Variants in LINC02747 observed in about 807,000 individuals in gnomAD.
LINC02747 encodes CCND1-upstream intergenic DNA repair 2.
chr11:69,478,764 G>A (rs1233268253), intron 1 of LINC02747, among the ~76,000 whole-genome samples: 1 of 152,136 alleles, frequency 6.6e-6, no homozygotes, highest in Non-Finnish European at 1.5e-5. Flanking sequence ...AAACCCAGGA[G>A]TCGAGGCAGG....
At chr11:69,480,981 C>T (rs868282859) in intron 1 of LINC02747, among the ~76,000 whole-genome samples, 1 of 152,214 alleles carries the variant, frequency 6.6e-6, no homozygotes, top group African/African-American at 2.4e-5. Flanking sequence ...CCTGAGTGCA[C>T]AGCCCGCTAG....
chr11:69,480,353 C>T (rs762637427), intron 1 of LINC02747, among the ~76,000 whole-genome samples: 11 of 152,308 alleles, frequency 7.2e-5, no homozygotes, highest in Non-Finnish European at 1.2e-4. Flanking sequence ...TCTGTGCTGG[C>T]GTGGAGAGGA....
chr11:69,479,254 CAAAAAAAAAAAAA>C (rs34812492), intron 1 of LINC02747, among the ~76,000 whole-genome samples: 1 of 47,538 alleles, frequency 2.1e-5, no homozygotes, highest in Non-Finnish European at 4.1e-5. Context: ...GACTCTGTCT[CAAAAAAAAAAAAA>C]AAAAAAAAAA....
chr11:69,480,223 C>T (rs1857036567), intron 1 of LINC02747, among the ~76,000 whole-genome samples: 2 of 152,160 alleles, frequency 1.3e-5, no homozygotes, highest in Admixed American at 1.3e-4. Context: ...GCCTGGGCCA[C>T]ACAGTGAGCC....
exon 2 of LINC02747, chr11:69,477,014 G>A (rs1275967582): frequency 1.3e-5 from 2 of 152,246 alleles, no homozygotes; most frequent in Non-Finnish European, 2.9e-5. Flanking sequence ...AGAAATAAAA[G>A]GATCCCTCTG....
At chr11:69,480,399 C>T (rs549404897) in intron 1 of LINC02747, among the ~76,000 whole-genome samples, 27 of 152,324 alleles carry the variant, frequency 1.8e-4, no homozygotes, top group South Asian at 1.5e-3. Flanking sequence ...GCAGACGTCA[C>T]GGGCACCCAG....
intron 1 of LINC02747, among the ~76,000 whole-genome samples, chr11:69,478,219 G>A (rs762909391): frequency 1.3e-5 from 2 of 152,178 alleles, no homozygotes; most frequent in Non-Finnish European, 2.9e-5. Context: ...CAGAGGACGA[G>A]GGTAAGCCGT....
At chr11:69,476,712 G>A (rs1237178023) in exon 2 of LINC02747, 1 of 152,240 alleles carries the variant, frequency 6.6e-6, no homozygotes, top group African/African-American at 2.4e-5. Context: ...TCCAAATTAG[G>A]CCAGAGCCCC....
chr11:69,479,655 C>T (rs556000649), intron 1 of LINC02747: 267 of 152,428 alleles, frequency 1.8e-3, no homozygotes, highest in Non-Finnish European at 2.7e-3. Flanking sequence ...GCACTCTCGG[C>T]CTCTGCACGC....
chr11:69,481,223 C>T (rs1857045551), intron 1 of LINC02747, among the ~76,000 whole-genome samples: 1 of 152,204 alleles, frequency 6.6e-6, no homozygotes, highest in African/African-American at 2.4e-5. Flanking sequence ...TAGCGGTCCA[C>T]ACATCAGAGT....
chr11:69,478,154 G>A (rs560824685), intron 1 of LINC02747, among the ~76,000 whole-genome samples: 50 of 152,324 alleles, frequency 3.3e-4, no homozygotes, highest in African/African-American at 1.2e-3. Context: ...GGGTGAGGCA[G>A]GATATTGCTG....
At chr11:69,477,038 A>G (rs1444335502) in exon 2 of LINC02747, 1 of 152,220 alleles carries the variant, frequency 6.6e-6, no homozygotes, top group Non-Finnish European at 1.5e-5. Flanking sequence ...ACCTGCTGGG[A>G]CTGAGTGAGC....
exon 2 of LINC02747, chr11:69,476,016 G>T (rs898809537): frequency 6.6e-6 from 1 of 152,192 alleles, no homozygotes; most frequent in African/African-American, 2.4e-5. Context: ...GGTGAGGACA[G>T]GTTTTGGGAC....
chr11:69,480,253 G>T (rs1225416912), intron 1 of LINC02747, among the ~76,000 whole-genome samples: 1 of 152,184 alleles, frequency 6.6e-6, no homozygotes, highest in African/African-American at 2.4e-5. Context: ...GCCAGCAGCC[G>T]GTTCCCAACA....
At chr11:69,476,618 C>A (rs2134960030) in exon 2 of LINC02747, 1 of 152,302 alleles carries the variant, frequency 6.6e-6, no homozygotes, top group Non-Finnish European at 1.5e-5. Context: ...GGAAGCCCAT[C>A]TCTGACGTGG....
chr11:69,479,276 AAGAGAG>A (rs1322668958), intron 1 of LINC02747, among the ~76,000 whole-genome samples: 5 of 147,300 alleles, frequency 3.4e-5, no homozygotes, highest in East Asian at 1.9e-4. Flanking sequence ...AAAAAAAAAA[AAGAGAG>A]AGAGAGAGAG....
At chr11:69,477,860 G>A (rs1056395138) in intron 1 of LINC02747, among the ~76,000 whole-genome samples, 4 of 152,158 alleles carry the variant, frequency 2.6e-5, no homozygotes, top group Non-Finnish European at 4.4e-5. Context: ...GGAGCCCTGT[G>A]CAAGACGAAA....
exon 2 of LINC02747, chr11:69,476,956 G>A (rs1857002128): frequency 6.6e-6 from 1 of 152,306 alleles, no homozygotes; most frequent in African/African-American, 2.4e-5. Context: ...GCTCGGGGGT[G>A]AGGCCAGGGC....
intron 1 of LINC02747, among the ~76,000 whole-genome samples, chr11:69,480,812 A>G (rs1327794719): frequency 1.3e-5 from 2 of 152,148 alleles, no homozygotes; most frequent in African/African-American, 4.8e-5. Flanking sequence ...AGTTTCGGAG[A>G]GGTCAGGAGT....
Sources: gnomAD v4.1 joint callset for allele counts (sites outside exome capture counted in the v4.1 genomes callset) on GRCh38, gnomAD v4.1.1 for gene constraint, MANE v1.5 for transcripts, NCBI Gene and HGNC (gene_info 2026-07-23, HGNC 2026-07-21) for gene names.